ZNF207: variants seen among roughly 807,000 people sequenced by gnomAD.
ZNF207 encodes the protein BUB3-interacting and GLEBS motif-containing protein ZNF207.
A neutral mutation model predicts 60.2 loss-of-function variants in ZNF207; 24 were observed. The ratio of observed to expected loss-of-function variants is 0.40; its 90% CI spans 0.29 to 0.56. The LOEUF is 0.56. Ranked by LOEUF, ZNF207 falls within the 20% of genes least tolerant of loss-of-function variation. The pLI, the probability that ZNF207 is intolerant of heterozygous loss-of-function variation, is 0.49. For synonymous variants in ZNF207, 236 were observed against 194.7 expected, an observed-to-expected ratio of 1.21 and a Z score of -1.77; for missense variants, 452 against 636.6, an observed-to-expected ratio of 0.71 and a Z score of 3.12.
chr17:32,356,202 G>T (rs1293992690), intron 2 of ZNF207, among the ~76,000 whole-genome samples: 1 of 152,110 alleles, frequency 6.6e-6, no homozygotes, highest in Non-Finnish European at 1.5e-5. Context: ...CAACCAAGAC[G>T]CTATGACTTT....
At chr17:32,350,448 G>A (rs1597746939) in intron 1 of ZNF207, 122 bp downstream of exon 1, 1 of 1,335,464 alleles carries the variant, frequency 7.5e-7, no homozygotes. Flanking sequence ...TGCGTGGGTG[G>A]CCTGGTGGCT....
rs1020263834 is a variant in ZNF207 at position 32,373,395 on chromosome 17, A to G, written c.*3636A>G. ...CTAAAATTAAAATTTTCTTCTTCCT[A>G]TAGCCCTGCCATAGGACAGGCTGAG... On this transcript the variant is annotated 3_prime_UTR_variant, in exon 12 of 12. Transcript: ENST00000394670. The G allele has an allele frequency of 2.9e-6, 2 of 691,392 alleles. No homozygotes were observed. Among genetic ancestry groups the G allele is most frequent in the Middle Eastern group, 2.3e-4 (1 of 4,292 alleles). The allele number at this position is 691,392 out of a possible 1,614,324, so 42.8% of individuals were successfully genotyped here.
rs778401936 is a variant in ZNF207, at chr17:32,360,614, G to T, written c.324G>T (p.Lys108Asn). The T allele has an allele frequency of 6.3e-7, 1 of 1,589,934 alleles. No homozygotes were observed. Among genetic ancestry groups the T allele is most frequent in the Non-Finnish European group, 8.5e-7 (1 of 1,173,194 alleles). Residue 108 changes from lysine to asparagine, a missense_variant, in exon 4 of 12, where the codon AAG (lysine) becomes AAT (asparagine). Physicochemically the swap from Lys to Asn is moderately conservative, Grantham distance 94. Around this residue, in one of 2 missense-constraint regions of ZNF207, gnomAD observed 62 missense variants for 175.3 expected, o/e 0.35. Coordinates refer to ENST00000394670, the MANE Select transcript of ZNF207 (RefSeq NM_001098507.2). ...TTTTAACAGAAAGTCAAAAAAAGAAGCAACAAGATGATTCTGATGAATATG... is the reference window on the plus strand; with the variant it reads ...TTTTAACAGAAAGTCAAAAAAAGAATCAACAAGATGATTCTGATGAATATG... ...EQKTQESQKK[K>N]QQDDSDEYDD...
rs1047894727 is a variant in ZNF207, at chr17:32,371,090, C to T, written c.*1331C>T. 1.3e-5 allele frequency: 2 copies of T among 152,168 alleles called. No individual in the cohort carries two copies. The highest frequency in any genetic ancestry group is 6.5e-5 in the Admixed American group (1 of 15,268). The allele number at this position is 152,168 out of a possible 1,614,324, so 9.4% of individuals were successfully genotyped here. A position where few individuals can be genotyped will look rare whatever the true frequency, so the allele number is the denominator to read the frequency against. ...TATTCAATATTTTGTGTTGCAACCT[C>T]TTAAAATAATAGCTCTTGTTGACCT... On this transcript the variant is annotated 3_prime_UTR_variant, in exon 12 of 12. Transcript: ENST00000394670.
At chr17:32,359,260 G>A (rs1904721583) in intron 3 of ZNF207, among the ~76,000 whole-genome samples, 1 of 151,916 alleles carries the variant, frequency 6.6e-6, no homozygotes, top group Non-Finnish European at 1.5e-5. Context: ...TTAGAGGTGT[G>A]TGCCACCACA....
chr17:32,366,543 A>T, intron 8 of ZNF207, 122 bp from the exon 9 acceptor site: 1 of 602,036 alleles, frequency 1.7e-6, no homozygotes, highest in Non-Finnish European at 2.6e-6. Flanking sequence ...AAAATAAGTG[A>T]CATTTGATTG....
rs1597801080 is a variant in ZNF207, at chr17:32,374,849, A to T, written c.*5090A>T. 1 of 152,186 alleles carries T rather than the reference A, an allele frequency of 6.6e-6. No homozygotes were observed. Among genetic ancestry groups the T allele is most frequent in the Admixed American group, 6.5e-5 (1 of 15,280 alleles). The allele number at this position is 152,186 out of a possible 1,614,324, so 9.4% of individuals were successfully genotyped here. A position where few individuals can be genotyped will look rare whatever the true frequency, so the allele number is the denominator to read the frequency against. ...TTTTGGAGTGATTATTTTGAGGTTC[A>T]TTTTCAGCCTCACTGAACAGTGTTT... On this transcript the variant is annotated 3_prime_UTR_variant, in exon 12 of 12. Transcript: ENST00000394670.
Position 32,379,954 on chromosome 17 carries a change from T to G in ZNF207, c.*10195T>G, listed in dbSNP as rs1158456442. The G allele has an allele frequency of 6.6e-6, 1 of 152,232 alleles. No individual in the cohort carries two copies. The highest frequency in any genetic ancestry group is 1.9e-4 in the East Asian group (1 of 5,202). 9.4% of individuals were successfully genotyped at this position (152,232 alleles called of 1,614,324 possible). On this transcript the variant is annotated 3_prime_UTR_variant, in exon 12 of 12. Transcript: ENST00000394670. ...TGCTAAGAATGTTTTTACATTCTGT[T>G]TCCTCCTGTGATCTTTCTGAACCAA...
rs1261019068 is a variant in ZNF207 at position 32,369,207 on chromosome 17, T to TA, written c.1165-86dup. ...AGGGTAAATTTTTGAAAATTACTCT[T>TA]AACGTTGTAAGATTTTAGATGCATG... is the stretch of plus-strand genomic sequence containing the variant. On this transcript the variant is annotated intron_variant, in intron 10 of 11. Transcript: ENST00000394670. 3 of 1,480,604 alleles carry TA rather than the reference T, an allele frequency of 2.0e-6. No homozygotes were observed. The South Asian group carries it at 4.0e-5, about 20-fold the overall frequency. 91.7% of individuals were successfully genotyped at this position (1,480,604 alleles called of 1,614,324 possible).
intron 3 of ZNF207, among the ~76,000 whole-genome samples, chr17:32,359,253 G>A (rs989192284): frequency 4.6e-5 from 7 of 151,718 alleles, no homozygotes; most frequent in African/African-American, 1.7e-4. Context: ...GCTGGGATTA[G>A]AGGTGTGTGC....
Position 32,361,526 on chromosome 17 carries a change from C to T in ZNF207, c.599+11C>T, listed in dbSNP as rs377477885. On this transcript the variant is annotated intron_variant, in intron 6 of 11. Transcript: ENST00000394670. ...TTGCGGTGAAAACATGTAAGCATCT[C>T]ATTCATAATGTAATTCAGGAGGTAT... 6.2e-7 allele frequency: 1 copy of T among 1,604,316 alleles called. No individual in the cohort carries two copies. The highest frequency in any genetic ancestry group is 8.5e-7 in the Non-Finnish European group (1 of 1,174,446).
At chr17:32,351,490 T>C in intron 1 of ZNF207, 4 of 1,477,282 alleles carry the variant, frequency 2.7e-6, no homozygotes, top group Non-Finnish European at 2.7e-6. Context: ...GTTGAAATAT[T>C]TATAACAAAA....
chr17:32,365,421 A>T lies in ZNF207; in HGVS notation c.762A>T (p.Ala254=). The change falls in exon 8 of 12, where the codon GCA becomes GCT. Residue 254 remains alanine (A), a synonymous_variant. Transcript: ENST00000394670. ...SAPGILNRPP[A]PTATVPAPQP... ...CAGGTATTCTTAATAGACCACCTGC[A>T]CCAACAGCAACTGTACCTGCCCCAC... is the stretch of plus-strand genomic sequence containing the variant. The T allele has an allele frequency of 6.2e-7, 1 of 1,614,132 alleles. No homozygotes were observed. The highest frequency in any genetic ancestry group is 8.5e-7 in the Non-Finnish European group (1 of 1,180,022).
intron 1 of ZNF207, 139 bp from the exon 2 acceptor site, chr17:32,351,647 G>A (rs2041509998): frequency 2.6e-6 from 4 of 1,564,076 alleles, no homozygotes; most frequent in East Asian, 2.4e-5. Flanking sequence ...CCCTAATTGT[G>A]TAATAAATAT....
intron 5 of ZNF207, chr17:32,361,263 C>G: frequency 1.7e-6 from 1 of 572,100 alleles, no homozygotes; most frequent in Non-Finnish European, 3.0e-6. Context: ...TCAGAATTAT[C>G]TGTGACACTT....
Position 32,375,262 on chromosome 17 carries a change from C to T in ZNF207, c.*5503C>T, listed in dbSNP as rs555670701. ...TTGTTGCTTCCATGACAAAATATCC[C>T]ATTGGACTATTTTATAACCTCAGTA... On this transcript the variant is annotated 3_prime_UTR_variant, in exon 12 of 12. Transcript: ENST00000394670. 6.6e-6 allele frequency: 1 copy of T among 152,186 alleles called. No homozygotes were observed. The highest frequency in any genetic ancestry group is 2.4e-5 in the African/African-American group (1 of 41,524). The allele number at this position is 152,186 out of a possible 1,614,324, so 9.4% of individuals were successfully genotyped here.
In ZNF207 at chr17:32,380,515, A is replaced by T. The variant is rs1005206416; in HGVS notation, c.*10756A>T. On this transcript the variant is annotated 3_prime_UTR_variant, in exon 12 of 12. Coordinates refer to ENST00000394670, the MANE Select transcript of ZNF207 (RefSeq NM_001098507.2). Reference sequence around the variant, plus strand: ...TTTCAGTGTCCCTTTTTAAAACTCGATGATGGCTTTCAGTTTATTTAAGTC... The same window carrying T: ...TTTCAGTGTCCCTTTTTAAAACTCGTTGATGGCTTTCAGTTTATTTAAGTC... 1 of 152,204 alleles carries T rather than the reference A, an allele frequency of 6.6e-6. No individual in the cohort carries two copies. The highest frequency in any genetic ancestry group is 2.4e-5 in the African/African-American group (1 of 41,464). 9.4% of individuals were successfully genotyped at this position (152,204 alleles called of 1,614,324 possible).
At position 32,379,530 on chromosome 17, in the gene ZNF207, A is replaced by G. The variant is rs1292412535; in HGVS notation, c.*9771A>G. 2.0e-5 allele frequency: 3 copies of G among 152,086 alleles called. No individual in the cohort carries two copies. Among genetic ancestry groups the G allele is most frequent in the Non-Finnish European group, 4.4e-5 (3 of 67,976 alleles). The allele number at this position is 152,086 out of a possible 1,614,324, so 9.4% of individuals were successfully genotyped here. The stretch of plus-strand genomic sequence containing the variant: ...AACATTTTTTTTAGTTGGCAGCCAA[A>G]AGATTTTTCTTAGTGCTTTGGAGAC... On this transcript the variant is annotated 3_prime_UTR_variant, in exon 12 of 12. Transcript: ENST00000394670.
chr17:32,379,228 CT>C lies in ZNF207; in HGVS notation c.*9473del, dbSNP rs1273330158. 2.0e-5 allele frequency: 3 copies of C among 151,562 alleles called. No individual in the cohort carries two copies. The highest frequency in any genetic ancestry group is 2.1e-4 in the South Asian group (1 of 4,824). The allele number at this position is 151,562 out of a possible 1,614,324, so 9.4% of individuals were successfully genotyped here. ...CCTTTCTGGTGAGTACTGTTTTATA[CT>C]TTTATATATTATAATTTTATCTTCT... On this transcript the variant is annotated 3_prime_UTR_variant, in exon 12 of 12. Transcript: ENST00000394670.
Sources: allele counts gnomAD v4.1 joint callset (sites outside exome capture counted in the v4.1 genomes callset), GRCh38; gene constraint gnomAD v4.1.1; regional missense constraint gnomAD v4.1.1; transcripts MANE v1.5; gene names NCBI Gene and HGNC (gene_info 2026-07-23, HGNC 2026-07-21).